The following TRPM3 variants were observed in gnomAD, a reference collection of about 807,000 sequenced individuals.
The protein encoded by TRPM3 is transient receptor potential cation channel subfamily M member 3.
Under a neutral mutation model 181.2 loss-of-function variants are expected in TRPM3, and 77 were observed. That is an observed-to-expected ratio of 0.42 (90% CI 0.35 to 0.51). TRPM3 has a LOEUF of 0.51. Among genes scored for constraint, TRPM3 ranks in the 20% least tolerant of loss-of-function variants. The pLI is 0.01. For missense variants in TRPM3, 1,759 were observed against 2,196.7 expected, an observed-to-expected ratio of 0.80 and a Z score of 3.98; for synonymous variants, 745 against 796.4, an observed-to-expected ratio of 0.94 and a Z score of 1.09.
intron 1 of TRPM3, among the ~76,000 whole-genome samples, chr9:71,045,615 A>C (rs1218440399): frequency 1.3e-5 from 2 of 152,242 alleles, no homozygotes; most frequent in African/African-American, 4.8e-5. Flanking sequence ...GCAGGGGGAC[A>C]GATGAGGCAT....
intron 1 of TRPM3, among the ~76,000 whole-genome samples, chr9:71,260,726 A>AT (rs1275242115): frequency 6.6e-6 from 1 of 152,122 alleles, no homozygotes; most frequent in Non-Finnish European, 1.5e-5. Context: ...TTGCACATTG[A>AT]TTTTGTATCC....
intron 7 of TRPM3, among the ~76,000 whole-genome samples, chr9:70,767,069 T>C (rs949973523): frequency 6.6e-6 from 1 of 152,238 alleles, no homozygotes; most frequent in Non-Finnish European, 1.5e-5. Flanking sequence ...GTCACTGACG[T>C]ATTCCTTCTC....
At chr9:70,789,089 CT>C (rs2084682243) in intron 6 of TRPM3, among the ~76,000 whole-genome samples, 1 of 152,068 alleles carries the variant, frequency 6.6e-6, no homozygotes, top group African/African-American at 2.4e-5. Flanking sequence ...TCTGTTCACA[CT>C]TTTTTTCTAA....
intron 1 of TRPM3, among the ~76,000 whole-genome samples, chr9:71,248,785 T>C (rs1382103816): frequency 6.6e-6 from 1 of 152,176 alleles, no homozygotes; most frequent in African/African-American, 2.4e-5. Context: ...TACTTATGAT[T>C]GTCAACCTCC....
chr9:70,536,571 G>A lies in TRPM3; in HGVS notation c.4542C>T (p.Ser1514=). The A allele has an allele frequency of 6.2e-7, 1 of 1,614,134 alleles. No homozygotes were observed. Among genetic ancestry groups the A allele is most frequent in the South Asian group, 1.1e-5 (1 of 91,078 alleles). The part of the protein sequence containing the change: ...MYHTIERSKS[S]RYLATTPFLL... ...GAAAGGGTGTGGTGGCTAGGTAGCGGCTACTTTTGGAACGCTCAATGGTGT... is the reference window on the plus strand; with the variant it reads ...GAAAGGGTGTGGTGGCTAGGTAGCGACTACTTTTGGAACGCTCAATGGTGT... Residue 1514 remains serine (S), a synonymous_variant, in exon 26 of 26, where the codon AGC becomes AGT. Transcript: ENST00000677713.
At chr9:71,030,236 T>C (rs1164121354) in intron 1 of TRPM3, among the ~76,000 whole-genome samples, 1 of 152,194 alleles carries the variant, frequency 6.6e-6, no homozygotes, top group African/African-American at 2.4e-5. Flanking sequence ...TATTTTGCCA[T>C]TGCAAATTAT....
rs561773608 is a variant in TRPM3 at position 71,332,286 on chromosome 9, A to G, written c.183+114367T>C. 1.4e-4 allele frequency among the ~76,000 whole-genome samples: 21 copies of G among 151,754 alleles called. No individual in the cohort carries two copies. The South Asian group carries it at 4.2e-3, about 30-fold the overall frequency. On this transcript the variant is annotated intron_variant, in intron 1 of 24. Coordinates refer to the TRPM3 transcript ENST00000357533. ...ATTCCACTATTTTATGATTTTGACT[A>G]GAAATAATGCTTTTTTTGGATACAT...
chr9:70,857,902 T>C (rs1415225), intron 3 of TRPM3, among the ~76,000 whole-genome samples: 116,379 of 152,094 alleles, frequency 0.77, 44,784 homozygotes, highest in Admixed American at 0.78. Flanking sequence ...AGTTGTGAAT[T>C]GCTGCATCCA....
chr9:70,687,580 T>C (rs76916419), intron 8 of TRPM3, among the ~76,000 whole-genome samples: 5,294 of 152,298 alleles, frequency 0.035, 97 homozygotes, highest in Middle Eastern at 0.054. Flanking sequence ...CGAATTCAGT[T>C]TGATGGATTA....
At chr9:70,943,376 T>C (rs2096903895) in intron 1 of TRPM3, among the ~76,000 whole-genome samples, 1 of 152,226 alleles carries the variant, frequency 6.6e-6, no homozygotes, top group Non-Finnish European at 1.5e-5. Flanking sequence ...TGACATACAA[T>C]ACAAATTTTG....
chr9:70,686,747 C>CT (rs1278627906), intron 8 of TRPM3, among the ~76,000 whole-genome samples: 4 of 114,838 alleles, frequency 3.5e-5, no homozygotes, highest in East Asian at 2.6e-4. Context: ...CCTTCCCTTC[C>CT]TCCTTCTCTC....
At chr9:70,847,397 T>C (rs2095016142) in intron 3 of TRPM3, among the ~76,000 whole-genome samples, 1 of 152,164 alleles carries the variant, frequency 6.6e-6, no homozygotes, top group Admixed American at 6.6e-5. Context: ...GAAAGTCCTT[T>C]GAAATAGGTT....
intron 1 of TRPM3, among the ~76,000 whole-genome samples, chr9:71,040,912 T>G (rs1048291383): frequency 6.6e-6 from 1 of 152,024 alleles, no homozygotes; most frequent in Non-Finnish European, 1.5e-5. Flanking sequence ...GTCAAGGTCA[T>G]GAAAGATAAG....
chr9:70,926,933 G>A (rs1430769045), intron 1 of TRPM3, among the ~76,000 whole-genome samples: 1 of 152,092 alleles, frequency 6.6e-6, no homozygotes, highest in East Asian at 1.9e-4. Flanking sequence ...CTCATCCCAT[G>A]GCAGGCATTG....
At chr9:70,969,699 T>G (rs913653793) in intron 1 of TRPM3, among the ~76,000 whole-genome samples, 1 of 149,226 alleles carries the variant, frequency 6.7e-6, no homozygotes, top group Non-Finnish European at 1.5e-5. Flanking sequence ...TTTCCTCATC[T>G]GTAAATAGCA....
rs562208890 is a variant in TRPM3, at chr9:70,777,877, C to CAT, written c.1148+6226_1148+6227dup. Among the ~76,000 whole-genome samples, 513 of 151,998 alleles carry CAT rather than the reference C, an allele frequency of 3.4e-3. 4 individuals carry two copies. Among genetic ancestry groups the CAT allele is most frequent in the African/African-American group, 0.012 (490 of 41,470 alleles). On this transcript the variant is annotated intron_variant, in intron 7 of 25. Coordinates refer to ENST00000677713, the MANE Select transcript of TRPM3 (RefSeq NM_001366145.2). ...TTTAAGTCTTCACTTAAATTTTAAGCATATATATACACACAGATAATTATA... is the reference window on the plus strand; with the variant it reads ...TTTAAGTCTTCACTTAAATTTTAAGCATATATATATACACACAGATAATTATA...
chr9:71,224,831 T>C (rs1289742300), intron 1 of TRPM3, among the ~76,000 whole-genome samples: 2 of 151,052 alleles, frequency 1.3e-5, no homozygotes, highest in Non-Finnish European at 2.9e-5. Flanking sequence ...TACTGAAGAA[T>C]GCATCAGAGT....
chr9:70,765,701 T>C (rs752024906), intron 7 of TRPM3, among the ~76,000 whole-genome samples: 2 of 152,216 alleles, frequency 1.3e-5, no homozygotes, highest in Non-Finnish European at 2.9e-5. Flanking sequence ...GCTTACTCTA[T>C]CTTCTCTGAA....
intron 3 of TRPM3, among the ~76,000 whole-genome samples, chr9:70,854,724 ACC>A (rs1250188278): frequency 6.6e-6 from 1 of 152,116 alleles, no homozygotes; most frequent in Non-Finnish European, 1.5e-5. Flanking sequence ...GGCTGGAATT[ACC>A]TATCTCTTCT....
Sources: allele counts gnomAD v4.1 joint callset (sites outside exome capture counted in the v4.1 genomes callset), GRCh38; gene constraint gnomAD v4.1.1; transcripts MANE v1.5; gene names NCBI Gene and HGNC (gene_info 2026-07-23, HGNC 2026-07-21).